Variants in SLC5A11 observed in about 807,000 individuals in gnomAD.
SLC5A11 encodes solute carrier family 5 member 11.
In SLC5A11, 48 loss-of-function variants were observed where a neutral mutation model predicts 69.8. The ratio of observed to expected loss-of-function variants is 0.69; its 90% CI spans 0.55 to 0.87. The LOEUF (loss-of-function observed/expected upper bound fraction) is 0.87, where lower values mean the gene tolerates loss of function less well. Among genes scored for constraint, SLC5A11 ranks in the 40% least tolerant of loss-of-function variants. SLC5A11 has a pLI of 0.00. For synonymous variants in SLC5A11, 319 were observed against 342.4 expected (o/e 0.93, Z 0.75); for missense variants, 784 against 866.1 (o/e 0.91, Z 1.19).
chr16:24,900,582 T>C (rs2049507882), intron 10 of SLC5A11, among the ~76,000 whole-genome samples: 2 of 152,008 alleles, frequency 1.3e-5, no homozygotes, highest in Non-Finnish European at 2.9e-5. Context: ...ATTTGGAAAA[T>C]ATACAGCTGT....
intron 8 of SLC5A11, among the ~76,000 whole-genome samples, chr16:24,887,558 C>T (rs1309418308): frequency 6.6e-6 from 1 of 151,314 alleles, no homozygotes; most frequent in African/African-American, 2.4e-5. Flanking sequence ...TTTTTTTTTC[C>T]TAAAAGAGAA....
intron 3 of SLC5A11, among the ~76,000 whole-genome samples, chr16:24,868,341 A>G (rs1396932842): frequency 1.3e-5 from 2 of 151,126 alleles, no homozygotes; most frequent in Non-Finnish European, 3.0e-5. Context: ...CTGTAATCCC[A>G]GCACTTTGGG....
At chr16:24,864,879 G>A (rs2046824556) in intron 3 of SLC5A11, among the ~76,000 whole-genome samples, 1 of 151,824 alleles carries the variant, frequency 6.6e-6, no homozygotes, top group Non-Finnish European at 1.5e-5. Flanking sequence ...CACTAGAGGG[G>A]TTCAACAACA....
chr16:24,903,418 C>T (rs2049795155), intron 10 of SLC5A11, among the ~76,000 whole-genome samples: 1 of 152,012 alleles, frequency 6.6e-6, no homozygotes, highest in Non-Finnish European at 1.5e-5. Context: ...TTATAGTCAC[C>T]CTATAGTGCT....
At chr16:24,863,037 ATATT>A (rs2046696482) in intron 3 of SLC5A11, among the ~76,000 whole-genome samples, 1 of 135,712 alleles carries the variant, frequency 7.4e-6, no homozygotes, top group South Asian at 2.2e-4. Context: ...TATAATTTAT[ATATT>A]TATGTAATAT....
intron 8 of SLC5A11, among the ~76,000 whole-genome samples, chr16:24,884,418 G>A (rs1388205336): frequency 6.6e-6 from 1 of 151,888 alleles, no homozygotes; most frequent in Admixed American, 6.6e-5. Flanking sequence ...GCAGCCTTGA[G>A]CCCCTGGGCT....
chr16:24,890,896 G>A, exon 9 of SLC5A11: 1 of 1,614,164 alleles, frequency 6.2e-7, no homozygotes, highest in Non-Finnish European at 8.5e-7. Context: ...GGGATGGAAG[G>A]ACTGAAGGAG....
chr16:24,869,895 C>T lies in SLC5A11; in HGVS notation c.208-6C>T, dbSNP rs1321121447. 1 of 1,611,712 alleles carries T rather than the reference C, an allele frequency of 6.2e-7. No individual in the cohort carries two copies. Among genetic ancestry groups the T allele is most frequent in the East Asian group, 2.2e-5 (1 of 44,868 alleles). On this transcript the variant is annotated splice_polypyrimidine_tract_variant and splice_region_variant and intron_variant, in intron 3 of 15. Coordinates refer to ENST00000347898, the Ensembl canonical transcript of SLC5A11. ...TCCAAGATCTGACCCGTCCATCTCC[C>T]CACAGGTGGGTGCATCCTTGTTTGC...
chr16:24,878,803 C>T (rs1461455992), intron 7 of SLC5A11, among the ~76,000 whole-genome samples: 4 of 152,018 alleles, frequency 2.6e-5, no homozygotes, highest in Admixed American at 2.0e-4. Context: ...GAGGCCGAGG[C>T]GGGTGGATCA....
intron 1 of SLC5A11, among the ~76,000 whole-genome samples, chr16:24,849,589 A>ATAT (rs60706405): frequency 3.6e-4 from 23 of 63,756 alleles, no homozygotes; most frequent in South Asian, 1.1e-3. Flanking sequence ...AAAAAAAAAA[A>ATAT]AAAAATATAT....
At chr16:24,862,962 TATTATATAATATATA>T (rs1051727341) in intron 3 of SLC5A11, among the ~76,000 whole-genome samples, 15 of 138,784 alleles carry the variant, frequency 1.1e-4, no homozygotes, top group African/African-American at 2.5e-4. Context: ...TATAATTATA[TATTATATAATATATA>T]ATTATATAAT....
intron 10 of SLC5A11, among the ~76,000 whole-genome samples, chr16:24,898,636 A>G (rs918545717): frequency 1.3e-5 from 2 of 151,368 alleles, no homozygotes; most frequent in African/African-American, 2.4e-5. Flanking sequence ...CTCCTGCCTC[A>G]GCCTCCTGAG....
rs1377892127 is a variant in SLC5A11, at chr16:24,906,772, C to G, written c.1114+8C>G. 6.2e-7 allele frequency: 1 copy of G among 1,604,630 alleles called. No homozygotes were observed. The highest frequency in any genetic ancestry group is 1.7e-5 in the Admixed American group (1 of 59,426). On this transcript the variant is annotated splice_region_variant and intron_variant, in intron 11 of 15. Coordinates refer to ENST00000347898, the Ensembl canonical transcript of SLC5A11. Reference sequence around the variant, plus strand: ...TGGAACTCCTGCCCACAGGTAATGTCCCTTCACTCCTGAATCAAGTCCCCT... The same window carrying G: ...TGGAACTCCTGCCCACAGGTAATGTGCCTTCACTCCTGAATCAAGTCCCCT...
At chr16:24,883,321 C>T (rs967323429) in intron 7 of SLC5A11, among the ~76,000 whole-genome samples, 3 of 152,082 alleles carry the variant, frequency 2.0e-5, no homozygotes, top group Admixed American at 6.6e-5. Context: ...GCTATGATCA[C>T]GCCACTACAC....
At chr16:24,874,445 C>A (rs1394035667) in intron 5 of SLC5A11, among the ~76,000 whole-genome samples, 5 of 152,210 alleles carry the variant, frequency 3.3e-5, no homozygotes, top group Non-Finnish European at 5.9e-5. Context: ...TATATTCCCA[C>A]CAGCAGTGTA....
At chr16:24,890,978 C>G (rs35993597) in exon 9 of SLC5A11, 23,213 of 1,614,170 alleles carry the variant, frequency 0.014, 503 homozygotes, top group African/African-American at 0.096. Context: ...AAGATGCCTT[C>G]CATATTTTCC....
At chr16:24,911,402 G>A (rs1426701225) in exon 16 of SLC5A11, 1 of 1,613,994 alleles carries the variant, frequency 6.2e-7, no homozygotes, top group African/African-American at 1.3e-5. Flanking sequence ...GAAGGGCAAG[G>A]AAGAGCTCCC....
chr16:24,874,372 A>G (rs1281301527), intron 5 of SLC5A11, among the ~76,000 whole-genome samples: 1 of 152,090 alleles, frequency 6.6e-6, no homozygotes, highest in Non-Finnish European at 1.5e-5. Flanking sequence ...AGGTCATTGG[A>G]TATGTTCATC....
chr16:24,905,640 G>GCGCGCGCGCACGCACACA (rs1443035551), intron 10 of SLC5A11, among the ~76,000 whole-genome samples: 1 of 136,696 alleles, frequency 7.3e-6, no homozygotes, highest in Admixed American at 7.3e-5. Context: ...GCGCGCGCGC[G>GCGCGCGCGCACGCACACA]CACACACACA....
Sources: allele counts gnomAD v4.1 joint callset (sites outside exome capture counted in the v4.1 genomes callset), GRCh38; gene constraint gnomAD v4.1.1; transcripts MANE v1.5; gene names NCBI Gene and HGNC (gene_info 2026-07-23, HGNC 2026-07-21).